Variants in NXPH1 observed in about 807,000 individuals in gnomAD.
NXPH1 encodes neurexophilin-1.
Under a neutral mutation model 23.7 loss-of-function variants are expected in NXPH1, and 5 were observed. The ratio of observed to expected loss-of-function variants is 0.21; its 90% CI spans 0.11 to 0.44. The LOEUF is 0.44. Among genes scored for constraint, NXPH1 ranks in the 20% least tolerant of loss-of-function variants. NXPH1 has a pLI of 0.99. For missense variants in NXPH1, 324 were observed against 321.6 expected (o/e 1.01, Z -0.06); for synonymous variants, 144 against 122.2 (o/e 1.18, Z -1.18).
At chr7:8,441,381 C>T (rs1816295807) in intron 2 of NXPH1, among the ~76,000 whole-genome samples, 1 of 152,156 alleles carries the variant, frequency 6.6e-6, no homozygotes, top group Non-Finnish European at 1.5e-5. Context: ...CTAACCCCCT[C>T]CCGGAGCTTG....
chr7:8,535,326 T>C (rs922171113), intron 2 of NXPH1, among the ~76,000 whole-genome samples: 4 of 152,112 alleles, frequency 2.6e-5, no homozygotes, highest in Admixed American at 6.6e-5. Flanking sequence ...AATAGAATCT[T>C]ATGCTTCATT....
In NXPH1 at chr7:8,672,729, C is replaced by T. The variant is rs183050613; in HGVS notation, c.55-78279C>T. On this transcript the variant is annotated intron_variant, in intron 2 of 2. Transcript: ENST00000405863. ...GCGACCTAAGTGGTTTCAACTTATA[C>T]GAACACTGTGTGCTAACAGCTGTGG... Among the ~76,000 whole-genome samples, 8 of 152,288 alleles carry T rather than the reference C, an allele frequency of 5.3e-5. No individual in the cohort carries two copies. In the East Asian group the frequency reaches 9.6e-4, roughly 18 times the overall value.
intron 2 of NXPH1, among the ~76,000 whole-genome samples, chr7:8,520,848 C>T (rs543577919): frequency 6.6e-6 from 1 of 152,128 alleles, no homozygotes; most frequent in African/African-American, 2.4e-5. Flanking sequence ...AAGGCCTTGT[C>T]CATCACTGCA....
chr7:8,707,815 A>G (rs1476886683), intron 2 of NXPH1, among the ~76,000 whole-genome samples: 1 of 152,080 alleles, frequency 6.6e-6, no homozygotes, highest in Non-Finnish European at 1.5e-5. Context: ...TTGTAATTCT[A>G]CTGCTTAATT....
intron 2 of NXPH1, among the ~76,000 whole-genome samples, chr7:8,500,515 T>A (rs1045994270): frequency 3.9e-5 from 6 of 152,088 alleles, no homozygotes; most frequent in Non-Finnish European, 8.8e-5. Context: ...GTTGTGAGCA[T>A]TGAATGAGTT....
chr7:8,557,991 C>A (rs957254683), intron 2 of NXPH1, among the ~76,000 whole-genome samples: 1 of 151,676 alleles, frequency 6.6e-6, no homozygotes, highest in Non-Finnish European at 1.5e-5. Flanking sequence ...TCTGCCCGCA[C>A]AGTCCTATCA....
chr7:8,698,148 C>T (rs913395930), intron 2 of NXPH1, among the ~76,000 whole-genome samples: 14 of 152,134 alleles, frequency 9.2e-5, no homozygotes, highest in Non-Finnish European at 1.8e-4. Flanking sequence ...AAATACTGGA[C>T]GTCTTACAAT....
chr7:8,721,923 T>C (rs1237626511), intron 2 of NXPH1, among the ~76,000 whole-genome samples: 4 of 152,258 alleles, frequency 2.6e-5, no homozygotes, highest in Non-Finnish European at 5.9e-5. Flanking sequence ...TGCTATTTAA[T>C]TTCACCACCC....
At chr7:8,627,893 T>C (rs929739489) in intron 2 of NXPH1, among the ~76,000 whole-genome samples, 1 of 151,980 alleles carries the variant, frequency 6.6e-6, no homozygotes, top group Admixed American at 6.6e-5. Flanking sequence ...TATAAAGGCA[T>C]ATTAGAAAAA....
At position 8,751,193 on chromosome 7, in the gene NXPH1, A is replaced by C. The variant is rs756854417; in HGVS notation, c.240A>C (p.Glu80Asp). ...TDLDLRYDTP[E>D]PYSEQDLWDW... ...TGGACCTGAGATATGACACCCCAGAACCTTATTCTGAGCAAGACCTCTGGG... is the reference window on the plus strand; with the variant it reads ...TGGACCTGAGATATGACACCCCAGACCCTTATTCTGAGCAAGACCTCTGGG... Residue 80 changes from glutamate to aspartate, a missense_variant, in exon 3 of 3, where the codon GAA becomes GAC. By Grantham distance (45) the Glu-to-Asp change is conservative. Transcript: ENST00000405863. This position sits in a 1 kb window ranked among gnomAD's most constrained non-coding sequence, Gnocchi z 4.5. 1 of 1,613,766 alleles carries C rather than the reference A, an allele frequency of 6.2e-7. No individual in the cohort carries two copies. Among genetic ancestry groups the C allele is most frequent in the South Asian group, 1.1e-5 (1 of 91,090 alleles).
intron 2 of NXPH1, among the ~76,000 whole-genome samples, chr7:8,644,908 T>C (rs1820371413): frequency 1.3e-5 from 2 of 152,192 alleles, no homozygotes; most frequent in African/African-American, 4.8e-5. Context: ...GGTTTAGTTT[T>C]GCATATTTTG....
chr7:8,485,579 C>T (rs1336710907), intron 2 of NXPH1, among the ~76,000 whole-genome samples: 2 of 152,044 alleles, frequency 1.3e-5, no homozygotes, highest in African/African-American at 4.8e-5. Flanking sequence ...CATGAGCTCC[C>T]ATTGTCTTCC....
chr7:8,522,832 A>G (rs6959052), intron 2 of NXPH1, among the ~76,000 whole-genome samples: 1 of 151,926 alleles, frequency 6.6e-6, no homozygotes, highest in African/African-American at 2.4e-5. Context: ...TTATATTATG[A>G]TCTGAGTTCA....
chr7:8,529,328 C>T (rs1242301730), intron 2 of NXPH1, among the ~76,000 whole-genome samples: 5 of 152,186 alleles, frequency 3.3e-5, no homozygotes, highest in African/African-American at 9.7e-5. Flanking sequence ...CACCAGGGGG[C>T]CAAAATTCTG....
At chr7:8,443,090 C>A (rs1440742086) in intron 2 of NXPH1, among the ~76,000 whole-genome samples, 3 of 152,208 alleles carry the variant, frequency 2.0e-5, no homozygotes, top group Admixed American at 6.5e-5. Context: ...TCTCGGTTTC[C>A]GCAGATACCT....
chr7:8,705,680 C>T (rs950478441), intron 2 of NXPH1, among the ~76,000 whole-genome samples: 2 of 152,098 alleles, frequency 1.3e-5, no homozygotes, highest in African/African-American at 4.8e-5. Flanking sequence ...GCCCTTTGGA[C>T]GTGGTGCACA....
At chr7:8,648,650 T>A (rs1159571130) in intron 2 of NXPH1, among the ~76,000 whole-genome samples, 3 of 152,346 alleles carry the variant, frequency 2.0e-5, no homozygotes, top group African/African-American at 7.2e-5. Flanking sequence ...ATTATAAACT[T>A]ACATAAATCC....
intron 2 of NXPH1, among the ~76,000 whole-genome samples, chr7:8,510,296 T>A (rs1817591427): frequency 6.6e-6 from 1 of 152,176 alleles, no homozygotes. Context: ...TACTAATGTT[T>A]ATCATTATAC....
chr7:8,546,141 G>A (rs768311684), intron 2 of NXPH1, among the ~76,000 whole-genome samples: 10 of 151,470 alleles, frequency 6.6e-5, no homozygotes, highest in Non-Finnish European at 1.3e-4. Flanking sequence ...GTACTTTAGG[G>A]TAATTATTTT....
Sources: gnomAD v4.1 joint callset for allele counts (sites outside exome capture counted in the v4.1 genomes callset) on GRCh38, gnomAD v4.1.1 for gene constraint, Gnocchi (gnomAD v3.1) non-coding constraint, MANE v1.5 for transcripts, NCBI Gene and HGNC (gene_info 2026-07-23, HGNC 2026-07-21) for gene names.